Variants in CDK7 observed in about 807,000 individuals in gnomAD.
CDK7 encodes the protein cyclin-dependent kinase 7.
CDK7 carries 25 observed loss-of-function variants against 49.1 expected under a neutral mutation model. The observed-to-expected ratio is 0.51, with a 90% CI of 0.37 to 0.71. CDK7 has a LOEUF of 0.71. CDK7 is among the 30% of genes least tolerant of loss of function. CDK7 has a pLI of 0.00. For missense variants in CDK7, 316 were observed against 411.7 expected, an observed-to-expected ratio of 0.77 and a Z score of 2.01; for synonymous variants, 107 against 140.0, an observed-to-expected ratio of 0.76 and a Z score of 1.67.
At chr5:69,242,783 T>C (rs997619389) in intron 2 of CDK7, among the ~76,000 whole-genome samples, 1 of 152,174 alleles carries the variant, frequency 6.6e-6, no homozygotes, top group East Asian at 1.9e-4. Context: ...CAGTGGCTCA[T>C]GTCTGTAATC....
chr5:69,271,648 G>A (rs928741608), intron 9 of CDK7, among the ~76,000 whole-genome samples: 1 of 151,546 alleles, frequency 6.6e-6, no homozygotes, highest in Non-Finnish European at 1.5e-5. Context: ...AGTAGCTGGG[G>A]CTGTAGGCAT....
chr5:69,275,505 T>C (rs183091519), intron 10 of CDK7, among the ~76,000 whole-genome samples: 27 of 152,256 alleles, frequency 1.8e-4, no homozygotes, highest in Admixed American at 1.5e-3. Context: ...AGCTCATAAT[T>C]AGTATAGGTT....
chr5:69,256,854 T>C (rs1024482812), intron 5 of CDK7, among the ~76,000 whole-genome samples: 1 of 150,926 alleles, frequency 6.6e-6, no homozygotes, highest in Non-Finnish European at 1.5e-5. Context: ...GATTCCCATC[T>C]CGAAAAAAGA....
In CDK7 at chr5:69,235,238, G is replaced by A. The variant is rs1249203493; in HGVS notation, c.67-156G>A. 3 of 763,204 alleles carry A rather than the reference G, an allele frequency of 3.9e-6. No homozygotes were observed. The African/African-American group carries it at 5.3e-5, about 14-fold the overall frequency. The allele number at this position is 763,204 out of a possible 1,614,324, so 47.3% of individuals were successfully genotyped here. ...CTGAGGGGCCTCTCCTTGCTGAAGA[G>A]TAGCCTGGAGCTGGACGGAGACTGA... is the stretch of plus-strand genomic sequence containing the variant. On this transcript the variant is annotated intron_variant, in intron 1 of 11. Transcript: ENST00000256443.
rs1292538930 is a variant in CDK7, at chr5:69,269,303, T to A, written c.714+10T>A. 1 of 1,588,136 alleles carries A rather than the reference T, an allele frequency of 6.3e-7. No individual in the cohort carries two copies. The highest frequency in any genetic ancestry group is 1.8e-5 in the Admixed American group (1 of 56,024). On this transcript the variant is annotated intron_variant, in intron 9 of 11. Coordinates refer to ENST00000256443, the MANE Select transcript of CDK7 (RefSeq NM_001799.4). ...TGAGGAACAGTGGCCGGTAAGCCTT[T>A]ATGCATTTTCTTTGAAATGTAATTA...
chr5:69,259,909 G>A lies in CDK7; in HGVS notation c.500G>A (p.Arg167Lys). 6.2e-7 allele frequency: 1 copy of A among 1,612,506 alleles called. No individual in the cohort carries two copies. The highest frequency in any genetic ancestry group is 8.5e-7 in the Non-Finnish European group (1 of 1,178,556). ...GCCAAATCTTTTGGGAGCCCCAATA[G>A]AGCTTATACACATCAGGTTGTAACC... is the stretch of plus-strand genomic sequence containing the variant. ...GLAKSFGSPNRAYTHQVVTRW... is the reference protein window; with the variant it reads ...GLAKSFGSPNKAYTHQVVTRW... Residue 167 changes from arginine (R) to lysine (K), a missense_variant, in exon 7 of 12, where the codon AGA (arginine) becomes AAA (lysine). By Grantham distance (26) the Arg-to-Lys change is conservative. Coordinates refer to ENST00000256443, the MANE Select transcript of CDK7 (RefSeq NM_001799.4).
intron 5 of CDK7, among the ~76,000 whole-genome samples, chr5:69,257,318 C>T (rs934607053): frequency 6.6e-6 from 1 of 152,002 alleles, no homozygotes; most frequent in African/African-American, 2.4e-5. Context: ...TATGCTTTAC[C>T]TTAAATCTGA....
intron 10 of CDK7, among the ~76,000 whole-genome samples, chr5:69,273,489 C>T (rs10940210): frequency 0.6 from 91,665 of 152,028 alleles, 28,176 homozygotes; most frequent in African/African-American, 0.72. Flanking sequence ...GCTGATCATT[C>T]TCACATTGAG....
chr5:69,247,432 C>A (rs1749826263), intron 2 of CDK7, among the ~76,000 whole-genome samples: 1 of 150,670 alleles, frequency 6.6e-6, no homozygotes, highest in African/African-American at 2.4e-5. Context: ...CAGTGAATAT[C>A]TTTTTTCCAT....
chr5:69,258,134 A>G lies in CDK7; in HGVS notation c.389A>G (p.Gln130Arg), dbSNP rs17849960. ...MTLQGLEYLH[Q>R]HWILHRDLKP... is the part of the protein sequence containing the mutation. Reference sequence around the variant, plus strand: ...CTTCAAGGATTAGAATATTTACATCAACATTGGATCCTACATAGGGTAAGG... The same window carrying G: ...CTTCAAGGATTAGAATATTTACATCGACATTGGATCCTACATAGGGTAAGG... The change falls in exon 6 of 12, where the codon CAA (glutamine) becomes CGA (arginine). Residue 130 changes from glutamine to arginine, a missense_variant. Transcript: ENST00000256443. 6.4e-7 allele frequency: 1 copy of G among 1,555,790 alleles called. No individual in the cohort carries two copies. Among genetic ancestry groups the G allele is most frequent in the Non-Finnish European group, 8.8e-7 (1 of 1,136,666 alleles).
chr5:69,273,305 T>G (rs1262388338), intron 10 of CDK7, among the ~76,000 whole-genome samples: 4 of 148,080 alleles, frequency 2.7e-5, no homozygotes, highest in Non-Finnish European at 5.9e-5. Flanking sequence ...CTATTTCACA[T>G]AATTGGCTTG....
intron 9 of CDK7, among the ~76,000 whole-genome samples, chr5:69,271,942 T>C (rs1020956643): frequency 1.3e-5 from 2 of 151,976 alleles, no homozygotes; most frequent in African/African-American, 4.8e-5. Context: ...TTTTTTTTTT[T>C]CTTTGAGACA....
intron 8 of CDK7, among the ~76,000 whole-genome samples, chr5:69,266,265 C>T (rs1190616830): frequency 6.6e-6 from 1 of 151,998 alleles, no homozygotes; most frequent in Non-Finnish European, 1.5e-5. Flanking sequence ...AAATTCACAC[C>T]GAATTAGAGG....
intron 7 of CDK7, among the ~76,000 whole-genome samples, chr5:69,261,297 G>A (rs979238704): frequency 6.6e-6 from 1 of 152,156 alleles, no homozygotes; most frequent in African/African-American, 2.4e-5. Flanking sequence ...CAAGAGCATT[G>A]TTAACAGAGC....
intron 6 of CDK7, among the ~76,000 whole-genome samples, 163 bp downstream of exon 6, chr5:69,258,316 G>A (rs1267357468): frequency 6.6e-6 from 1 of 151,190 alleles, no homozygotes; most frequent in Non-Finnish European, 1.5e-5. Flanking sequence ...CCAGCAGTTG[G>A]TGCTGTAAGG....
At chr5:69,248,275 G>T (rs1749886273) in intron 2 of CDK7, among the ~76,000 whole-genome samples, 1 of 152,142 alleles carries the variant, frequency 6.6e-6, no homozygotes, top group Admixed American at 6.6e-5. Context: ...CTCCTGTCCT[G>T]TAAAGTTTCT....
intron 8 of CDK7, among the ~76,000 whole-genome samples, chr5:69,266,001 T>C (rs1057310530): frequency 8.6e-5 from 13 of 151,950 alleles, no homozygotes; most frequent in Admixed American, 7.9e-4. Flanking sequence ...AGTGGGAGGA[T>C]TGCTTGAGCC....
intron 10 of CDK7, among the ~76,000 whole-genome samples, chr5:69,276,098 C>T (rs533799358): frequency 6.6e-5 from 10 of 152,042 alleles, no homozygotes; most frequent in Non-Finnish European, 1.3e-4. Flanking sequence ...GGTGCGATCT[C>T]GGCTCACTGC....
intron 10 of CDK7, among the ~76,000 whole-genome samples, chr5:69,274,916 A>G (rs992187224): frequency 6.6e-6 from 1 of 152,106 alleles, no homozygotes; most frequent in Non-Finnish European, 1.5e-5. Flanking sequence ...CCGCCCTGCC[A>G]GAAGTATTTT....
Sources: gnomAD v4.1 joint callset for allele counts (sites outside exome capture counted in the v4.1 genomes callset) on GRCh38, gnomAD v4.1.1 for gene constraint, MANE v1.5 for transcripts, NCBI Gene and HGNC (gene_info 2026-07-23, HGNC 2026-07-21) for gene names.